The following COL21A1 variants were observed in gnomAD, a reference collection of about 807,000 sequenced individuals.
COL21A1 encodes the protein collagen type XXI alpha 1 chain.
A neutral mutation model predicts 137.9 loss-of-function variants in COL21A1; 149 were observed. The ratio of observed to expected loss-of-function variants is 1.08; its 90% CI spans 0.95 to 1.24. The LOEUF (loss-of-function observed/expected upper bound fraction) is 1.24, where lower values mean the gene tolerates loss of function less well. Among genes scored for constraint, COL21A1 ranks in the 50% most tolerant of loss-of-function variants. The pLI is 0.00. For synonymous variants in COL21A1, 456 were observed against 391.5 expected (o/e 1.16, Z -1.95); for missense variants, 1,167 against 1,158.4 (o/e 1.01, Z -0.11).
At chr6:56,171,478 C>T (rs550168676) in intron 3 of COL21A1, among the ~76,000 whole-genome samples, 2 of 151,906 alleles carry the variant, frequency 1.3e-5, no homozygotes, top group Non-Finnish European at 2.9e-5. Context: ...AACAATGGAA[C>T]AGGATTTATC....
chr6:56,220,753 A>C (rs181465152), intron 1 of COL21A1, among the ~76,000 whole-genome samples: 27 of 152,254 alleles, frequency 1.8e-4, no homozygotes, highest in African/African-American at 6.5e-4. Context: ...TTTTATTGAG[A>C]TCCTATAGGA....
intron 1 of COL21A1, among the ~76,000 whole-genome samples, chr6:56,311,520 T>C (rs1349064005): frequency 6.6e-6 from 1 of 152,224 alleles, no homozygotes; most frequent in Non-Finnish European, 1.5e-5. Context: ...TTTCTTTAAA[T>C]GGACCTGTAG....
At chr6:56,385,326 G>A (rs1197803356) in intron 1 of COL21A1, among the ~76,000 whole-genome samples, 3 of 152,178 alleles carry the variant, frequency 2.0e-5, no homozygotes, top group African/African-American at 4.8e-5. Context: ...GTCTGAAACA[G>A]GTCTCACTAG....
At chr6:56,204,823 G>A (rs1452753988) in intron 1 of COL21A1, among the ~76,000 whole-genome samples, 3 of 152,198 alleles carry the variant, frequency 2.0e-5, no homozygotes, top group Non-Finnish European at 4.4e-5. Flanking sequence ...GTCCACTGGT[G>A]ATATCCAGGC....
At chr6:56,142,085 A>C (rs1774460670) in intron 10 of COL21A1, 102 bp from the exon 11 acceptor site, 1 of 818,990 alleles carries the variant, frequency 1.2e-6, no homozygotes, top group African/African-American at 1.7e-5. Flanking sequence ...TCTCATGCCT[A>C]AAACTTCACT....
chr6:56,125,612 C>T lies in COL21A1; in HGVS notation c.1605G>A (p.Met535Ile), dbSNP rs1198907071. ...LHGMPGSKGE[M>I]GAKGDKGSPG... ...GTGATCCTTTGTCTCCTTTGGCACC[C>T]ATTTCACCCTAAAAGACAAAATATA... is the stretch of plus-strand genomic sequence containing the variant. Residue 535 changes from methionine (M) to isoleucine (I), a missense_variant, in exon 14 of 30, where the codon ATG (methionine) becomes ATA (isoleucine). Physicochemically the swap from Met to Ile is conservative, Grantham distance 10. Coordinates refer to ENST00000244728, the MANE Select transcript of COL21A1 (RefSeq NM_030820.4). The T allele has an allele frequency of 1.3e-6, 2 of 1,584,810 alleles. No individual in the cohort carries two copies. The highest frequency in any genetic ancestry group is 8.6e-7 in the Non-Finnish European group (1 of 1,161,486).
intron 1 of COL21A1, among the ~76,000 whole-genome samples, chr6:56,270,436 T>G (rs1396007064): frequency 6.6e-6 from 1 of 152,206 alleles, no homozygotes; most frequent in Non-Finnish European, 1.5e-5. Context: ...TCTTGACTGA[T>G]GAAAAGGCTT....
intron 1 of COL21A1, among the ~76,000 whole-genome samples, chr6:56,315,472 G>C (rs1317880450): frequency 6.6e-6 from 1 of 152,176 alleles, no homozygotes; most frequent in East Asian, 1.9e-4. Context: ...AAAAAGAAGA[G>C]AAAGAGTGAT....
At chr6:56,057,879 A>T (rs1765467979) in intron 29 of COL21A1, 35 bp from the exon 30 acceptor site, 1 of 1,414,586 alleles carries the variant, frequency 7.1e-7, no homozygotes, top group Non-Finnish European at 9.3e-7. Flanking sequence ...TAAACAGAGG[A>T]CTTTAGTTTT....
intron 1 of COL21A1, among the ~76,000 whole-genome samples, chr6:56,295,661 T>G (rs1220614584): frequency 6.6e-6 from 1 of 152,012 alleles, no homozygotes. Context: ...GGACATATTC[T>G]GTAAAATTTA....
intron 1 of COL21A1, among the ~76,000 whole-genome samples, chr6:56,241,199 G>C (rs551109995): frequency 6.6e-6 from 1 of 152,284 alleles, no homozygotes; most frequent in Admixed American, 6.5e-5. Flanking sequence ...TAGATAACAA[G>C]ACTGGTGCCC....
intron 1 of COL21A1, among the ~76,000 whole-genome samples, chr6:56,253,250 A>G (rs966550300): frequency 5.3e-5 from 8 of 152,210 alleles, no homozygotes; most frequent in South Asian, 4.1e-4. Flanking sequence ...CCAGAGGCCT[A>G]TGATTTTACA....
chr6:56,228,967 G>A (rs1238962822), intron 1 of COL21A1, among the ~76,000 whole-genome samples: 1 of 151,900 alleles, frequency 6.6e-6, no homozygotes, highest in Non-Finnish European at 1.5e-5. Context: ...TATATAGTAA[G>A]CTAATTATGT....
chr6:56,062,869 T>C (rs768114588), intron 24 of COL21A1, among the ~76,000 whole-genome samples: 16 of 152,148 alleles, frequency 1.1e-4, no homozygotes, highest in Non-Finnish European at 1.8e-4. Flanking sequence ...AATATGGGAA[T>C]TGAATTAGAG....
chr6:56,322,884 C>CAAAAAAAAAAAAA lies in COL21A1; in HGVS notation c.-39+71074_-39+71086dup, dbSNP rs386407164. 3.9e-5 allele frequency among the ~76,000 whole-genome samples: 5 copies of CAAAAAAAAAAAAA among 129,802 alleles called. 2 individuals carry two copies. The highest frequency in any genetic ancestry group is 3.2e-5 in the Non-Finnish European group (2 of 63,310). 85.2% of individuals were successfully genotyped at this position (129,802 alleles called of 152,430 possible). The stretch of plus-strand genomic sequence containing the variant: ...ATGGATCAAAACCATCCTCTGCTAT[C>CAAAAAAAAAAAAA]AAAAAAAAAAAAAAAAAGTCAAGTC... On this transcript the variant is annotated intron_variant, in intron 1 of 28. Transcript: ENST00000370819.
chr6:56,250,968 A>T (rs1455284105), upstream of COL21A1, among the ~76,000 whole-genome samples: 3 of 152,174 alleles, frequency 2.0e-5, no homozygotes, highest in East Asian at 5.8e-4. Flanking sequence ...ATTGTGCCCA[A>T]ATTTACAATA....
In COL21A1 at chr6:56,182,664, G is replaced by T; in HGVS notation, c.-38-8C>A. On this transcript the variant is annotated splice_region_variant and splice_polypyrimidine_tract_variant and intron_variant, in intron 1 of 29. Transcript: ENST00000244728. ...ATTTTGGTTTTAGGATTCCTAGGGG[G>T]AAAAAAAAGGCAAGTTAAATATATT... is the stretch of plus-strand genomic sequence containing the variant. The T allele has an allele frequency of 8.3e-7, 1 of 1,204,120 alleles. No individual in the cohort carries two copies. The highest frequency in any genetic ancestry group is 1.2e-6 in the Non-Finnish European group (1 of 842,528). 74.6% of individuals were successfully genotyped at this position (1,204,120 alleles called of 1,614,324 possible).
intron 1 of COL21A1, among the ~76,000 whole-genome samples, chr6:56,323,179 A>G (rs1006145611): frequency 2.6e-5 from 4 of 152,224 alleles, no homozygotes; most frequent in Admixed American, 2.6e-4. Context: ...AACTAAAAAT[A>G]AATTTTAAAA....
intron 17 of COL21A1, among the ~76,000 whole-genome samples, chr6:56,091,836 A>G (rs1463133047): frequency 6.6e-6 from 1 of 152,198 alleles, no homozygotes; most frequent in African/African-American, 2.4e-5. Flanking sequence ...TTGGTCTAAC[A>G]TTGAATTCAG....
Sources: allele counts gnomAD v4.1 joint callset (sites outside exome capture counted in the v4.1 genomes callset), GRCh38; gene constraint gnomAD v4.1.1; transcripts MANE v1.5; gene names NCBI Gene and HGNC (gene_info 2026-07-23, HGNC 2026-07-21).